The following GPBP1 variants were observed in gnomAD, a reference collection of about 807,000 sequenced individuals.
GPBP1 encodes the protein GC-rich promoter binding protein 1, also known as vasculin.
A neutral mutation model predicts 56.5 loss-of-function variants in GPBP1; 13 were observed. That is an observed-to-expected ratio of 0.23 (90% confidence interval 0.15 to 0.37). The LOEUF is 0.37. Among genes scored for constraint, GPBP1 ranks in the 10% least tolerant of loss-of-function variants. The probability of loss-of-function intolerance (pLI) is 1.00; values close to 1 mark genes in which losing one functional copy is unlikely to be tolerated. For missense variants in GPBP1, 477 were observed against 572.3 expected (o/e 0.83, Z 1.70); for synonymous variants, 204 against 188.9 (o/e 1.08, Z -0.66).
intron 2 of GPBP1, among the ~76,000 whole-genome samples, chr5:57,198,465 A>G (rs556506837): frequency 1.8e-4 from 28 of 152,330 alleles, no homozygotes; most frequent in Non-Finnish European, 1.8e-4. Flanking sequence ...TGAACCGAAT[A>G]AACAAGTTCA....
intron 6 of GPBP1, chr5:57,245,414 G>A (rs1204128118): frequency 1.3e-5 from 2 of 152,142 alleles, no homozygotes; most frequent in Non-Finnish European, 2.9e-5. Context: ...TGATCCATGA[G>A]GAAGCTTGAT....
intron 2 of GPBP1, among the ~76,000 whole-genome samples, chr5:57,195,045 A>G (rs1754686708): frequency 6.6e-6 from 1 of 151,634 alleles, no homozygotes; most frequent in Middle Eastern, 3.5e-3. Flanking sequence ...ATCATATGGC[A>G]GCTCTGATTT....
chr5:57,214,322 AC>A (rs1285791420), intron 3 of GPBP1, 129 bp downstream of exon 3: 19 of 783,330 alleles, frequency 2.4e-5, no homozygotes, highest in Non-Finnish European at 3.0e-5. Flanking sequence ...GCGGTGGCTC[AC>A]CCCTGTAATC....
intron 2 of GPBP1, among the ~76,000 whole-genome samples, chr5:57,187,693 T>C (rs1754351067): frequency 6.6e-6 from 1 of 152,140 alleles, no homozygotes. Context: ...CACAGAGTTG[T>C]TGTTATTAAA....
chr5:57,205,413 ATTC>A (rs2111719742), intron 2 of GPBP1, among the ~76,000 whole-genome samples: 1 of 152,238 alleles, frequency 6.6e-6, no homozygotes, highest in East Asian at 1.9e-4. Flanking sequence ...TCCTTTCTCA[ATTC>A]TTCTGTGTAT....
intron 3 of GPBP1, among the ~76,000 whole-genome samples, chr5:57,217,677 A>G (rs1043694335): frequency 6.6e-6 from 1 of 152,176 alleles, no homozygotes; most frequent in Non-Finnish European, 1.5e-5. Flanking sequence ...ATGCGAATGC[A>G]AAGAGCCAGT....
chr5:57,262,465 T>G (rs1741942299), intron 11 of GPBP1, 129 bp from the exon 12 acceptor site: 1 of 694,796 alleles, frequency 1.4e-6, no homozygotes, highest in South Asian at 2.0e-5. Context: ...TCCAGAATTT[T>G]TTCAGAAATA....
At chr5:57,208,368 G>T (rs919980750) in intron 2 of GPBP1, among the ~76,000 whole-genome samples, 1 of 151,978 alleles carries the variant, frequency 6.6e-6, no homozygotes, top group Non-Finnish European at 1.5e-5. Context: ...CAAGTAGCTG[G>T]GACCACAGGT....
chr5:57,230,505 T>C (rs1756403766), intron 3 of GPBP1, among the ~76,000 whole-genome samples: 2 of 152,226 alleles, frequency 1.3e-5, no homozygotes, highest in Admixed American at 1.3e-4. Flanking sequence ...TGAGCTGTAG[T>C]GAAAATTTAT....
chr5:57,208,289 A>G (rs1260182425), intron 2 of GPBP1, among the ~76,000 whole-genome samples: 1 of 152,112 alleles, frequency 6.6e-6, no homozygotes, highest in Non-Finnish European at 1.5e-5. Flanking sequence ...GCTGGAGTGC[A>G]GTGGTGTGAT....
intron 3 of GPBP1, among the ~76,000 whole-genome samples, chr5:57,219,400 A>AAC (rs1561348271): frequency 2.7e-4 from 16 of 60,066 alleles, no homozygotes; most frequent in African/African-American, 5.6e-4. Context: ...AAAAAAAAAA[A>AAC]AAACCAAAAA....
intron 3 of GPBP1, among the ~76,000 whole-genome samples, chr5:57,221,102 AGTTTT>A (rs1322969874): frequency 6.6e-6 from 1 of 152,202 alleles, no homozygotes; most frequent in African/African-American, 2.4e-5. Context: ...GTATGGCAGT[AGTTTT>A]GAGATGTGTA....
intron 2 of GPBP1, among the ~76,000 whole-genome samples, chr5:57,179,347 T>TTG (rs57689384): frequency 0.026 from 3,955 of 149,458 alleles, 147 homozygotes; most frequent in African/African-American, 0.088. Flanking sequence ...TTAGCTAAAA[T>TTG]TGTGTGTGTG....
intron 2 of GPBP1, among the ~76,000 whole-genome samples, chr5:57,188,511 C>T (rs931006800): frequency 6.6e-6 from 1 of 151,864 alleles, no homozygotes; most frequent in Non-Finnish European, 1.5e-5. Flanking sequence ...AAAGCTGAGG[C>T]AGGTGGATTG....
At chr5:57,233,908 T>C (rs924626170) in intron 5 of GPBP1, among the ~76,000 whole-genome samples, 7 of 152,236 alleles carry the variant, frequency 4.6e-5, no homozygotes, top group East Asian at 1.9e-4. Context: ...GTGTGACACA[T>C]AGTAAGCACT....
intron 5 of GPBP1, among the ~76,000 whole-genome samples, chr5:57,234,013 T>C (rs1351639952): frequency 6.6e-6 from 1 of 152,156 alleles, no homozygotes; most frequent in African/African-American, 2.4e-5. Flanking sequence ...CTTGGCAGAG[T>C]ATAATTTCTA....
At chr5:57,238,165 A>G (rs926325544) in intron 6 of GPBP1, among the ~76,000 whole-genome samples, 11 of 152,232 alleles carry the variant, frequency 7.2e-5, no homozygotes, top group Admixed American at 2.6e-4. Flanking sequence ...CAAGCTGCCT[A>G]TGAGAATTTA....
intron 10 of GPBP1, among the ~76,000 whole-genome samples, chr5:57,260,392 GCAT>G (rs1325586566): frequency 1.3e-5 from 2 of 152,136 alleles, no homozygotes; most frequent in African/African-American, 2.4e-5. Context: ...TTTTCGTAAA[GCAT>G]CAGTGATTTC....
chr5:57,216,360 C>G (rs909485147), intron 3 of GPBP1, among the ~76,000 whole-genome samples: 1 of 152,078 alleles, frequency 6.6e-6, no homozygotes, highest in African/African-American at 2.4e-5. Context: ...GGTTGTAGCT[C>G]AAGTGCTGCA....
Sources: allele counts gnomAD v4.1 joint callset (sites outside exome capture counted in the v4.1 genomes callset), GRCh38; gene constraint gnomAD v4.1.1; transcripts MANE v1.5; gene names NCBI Gene and HGNC (gene_info 2026-07-23, HGNC 2026-07-21).